MALRD1: variants seen among roughly 807,000 people sequenced by gnomAD.
The protein encoded by MALRD1 is MAM and LDL-receptor class A domain-containing protein 1.
A neutral mutation model predicts 242.1 loss-of-function variants in MALRD1; 247 were observed. The observed-to-expected ratio is 1.02, with a 90% CI of 0.92 to 1.13. MALRD1 has a LOEUF of 1.13. Ranked by LOEUF, MALRD1 falls within the 50% of genes most tolerant of loss-of-function variation. MALRD1 has a pLI of 0.00. For synonymous variants in MALRD1, 995 were observed against 866.6 expected, an observed-to-expected ratio of 1.15 and a Z score of -2.60; for missense variants, 2,989 against 2,533.1, an observed-to-expected ratio of 1.18 and a Z score of -3.86.
intron 34 of MALRD1, 86 bp downstream of exon 34, chr10:19,595,543 C>T (rs528027318): frequency 1.5e-6 from 2 of 1,370,838 alleles, no homozygotes; most frequent in Non-Finnish European, 9.8e-7. Context: ...AAATGAAGTT[C>T]TCTAGAGCCT....
At chr10:19,239,046 G>C (rs995117241) in intron 18 of MALRD1, among the ~76,000 whole-genome samples, 2 of 132,916 alleles carry the variant, frequency 1.5e-5, no homozygotes, top group Admixed American at 8.8e-5. Flanking sequence ...ATGTCTTTTA[G>C]TTTATTTTGT....
At chr10:19,142,171 C>CAAAAAAAAAAAA (rs529000033) in intron 10 of MALRD1, among the ~76,000 whole-genome samples, 4 of 26,274 alleles carry the variant, frequency 1.5e-4, no homozygotes, top group African/African-American at 6.8e-4. Flanking sequence ...GACTCTAACT[C>CAAAAAAAAAAAA]AAAAAAAAAA....
intron 33 of MALRD1, among the ~76,000 whole-genome samples, chr10:19,581,554 A>C (rs1375485710): frequency 6.7e-6 from 1 of 149,846 alleles, no homozygotes; most frequent in East Asian, 2.0e-4. Flanking sequence ...TGAACTCATC[A>C]TTTTTTATGG....
At chr10:19,505,333 T>C (rs1215965438) in intron 31 of MALRD1, among the ~76,000 whole-genome samples, 1 of 152,156 alleles carries the variant, frequency 6.6e-6, no homozygotes, top group Non-Finnish European at 1.5e-5. Context: ...AGATACGGTC[T>C]TTAAGTAGGT....
At chr10:19,453,239 C>T (rs1835425671) in intron 29 of MALRD1, among the ~76,000 whole-genome samples, 1 of 152,104 alleles carries the variant, frequency 6.6e-6, no homozygotes, top group South Asian at 2.1e-4. Flanking sequence ...ATGTTTATTT[C>T]TGTCACATTT....
intron 28 of MALRD1, among the ~76,000 whole-genome samples, chr10:19,391,982 G>T (rs543822380): frequency 6.6e-6 from 1 of 152,142 alleles, no homozygotes; most frequent in Non-Finnish European, 1.5e-5. Context: ...CATGCATGAC[G>T]TTCAAGTCTA....
intron 26 of MALRD1, among the ~76,000 whole-genome samples, chr10:19,363,800 A>G (rs529872640): frequency 2.0e-5 from 3 of 152,124 alleles, no homozygotes; most frequent in Non-Finnish European, 4.4e-5. Context: ...CTGGCTTCCA[A>G]AGAATCATCA....
At chr10:19,066,530 T>A (rs1057207663) in intron 1 of MALRD1, among the ~76,000 whole-genome samples, 189 bp from the exon 2 acceptor site, 2 of 152,250 alleles carry the variant, frequency 1.3e-5, no homozygotes, top group African/African-American at 4.8e-5. Flanking sequence ...ACTGTTTTCG[T>A]TGTGGTAACT....
rs573999286 is a variant in MALRD1, at chr10:19,446,087, A to T, written c.4846-4220A>T. ...CTGTGGGCGTGGGACCCTCCGAGCC[A>T]GGCGTGGGATATAATTTCCTGGTGT... is the stretch of plus-strand genomic sequence containing the variant. On this transcript the variant is annotated intron_variant, in intron 28 of 39. Coordinates refer to ENST00000454679, the MANE Select transcript of MALRD1 (RefSeq NM_001142308.3). Among the ~76,000 whole-genome samples the T allele has an allele frequency of 1.2e-3, 178 of 152,274 alleles. 2 individuals carry two copies. The South Asian group carries it at 0.036, about 31-fold the overall frequency.
chr10:19,194,669 G>A (rs1324340574), intron 14 of MALRD1, among the ~76,000 whole-genome samples: 1 of 152,028 alleles, frequency 6.6e-6, no homozygotes, highest in Non-Finnish European at 1.5e-5. Flanking sequence ...AAATAAACAT[G>A]CTGTTCAATT....
In MALRD1 at chr10:19,204,908, TATGG is replaced by T. The variant is rs1425114303; in HGVS notation, c.2222_2225del (p.Tyr741SerfsTer21). 6.5e-7 allele frequency: 1 copy of T among 1,547,880 alleles called. No individual in the cohort carries two copies. The highest frequency in any genetic ancestry group is 1.4e-5 in the African/African-American group (1 of 73,096). ...TTTACTCTTTTTTAGGTTCTATAAC[TATGG>T]CCTGTCAGTGGGAGCAGCTGAGCTG... On this transcript the variant is annotated frameshift_variant, in exon 17 of 40. Transcript: ENST00000454679. LOFTEE classifies it high-confidence loss of function.
chr10:19,637,829 G>A (rs944318137), intron 36 of MALRD1, among the ~76,000 whole-genome samples: 3 of 151,976 alleles, frequency 2.0e-5, no homozygotes, highest in Admixed American at 6.6e-5. Context: ...AGCCAGATAC[G>A]GTGGTTCATG....
intron 29 of MALRD1, among the ~76,000 whole-genome samples, chr10:19,461,349 G>A (rs952159227): frequency 2.0e-5 from 3 of 152,092 alleles, no homozygotes; most frequent in African/African-American, 7.2e-5. Context: ...AACCAAGTGT[G>A]CTTGGAGTTT....
chr10:19,712,471 A>C (rs1317910031), intron 38 of MALRD1, among the ~76,000 whole-genome samples: 2 of 152,230 alleles, frequency 1.3e-5, no homozygotes, highest in African/African-American at 4.8e-5. Flanking sequence ...GAATTTGTGG[A>C]TATGCAGGAG....
At chr10:19,515,911 T>C (rs1029719892) in intron 31 of MALRD1, among the ~76,000 whole-genome samples, 2 of 152,204 alleles carry the variant, frequency 1.3e-5, no homozygotes, top group African/African-American at 4.8e-5. Context: ...CCAGCTAGTA[T>C]AAGGACATCA....
At chr10:19,223,774 C>G (rs537602255) in intron 18 of MALRD1, among the ~76,000 whole-genome samples, 13 of 152,218 alleles carry the variant, frequency 8.5e-5, no homozygotes, top group Admixed American at 5.2e-4. Flanking sequence ...GTTCAACTCC[C>G]ACTTATGAGT....
At chr10:19,683,418 G>T (rs996870852) in intron 36 of MALRD1, among the ~76,000 whole-genome samples, 1 of 152,188 alleles carries the variant, frequency 6.6e-6, no homozygotes, top group Non-Finnish European at 1.5e-5. Context: ...ATTTTCATGT[G>T]CATCGTAATA....
At chr10:19,391,662 C>G (rs1297164624) in intron 28 of MALRD1, among the ~76,000 whole-genome samples, 3 of 152,198 alleles carry the variant, frequency 2.0e-5, no homozygotes, top group Admixed American at 1.3e-4. Context: ...GAAGACTCGA[C>G]CTTTTGCAGA....
intron 24 of MALRD1, among the ~76,000 whole-genome samples, chr10:19,343,458 T>G (rs1843972560): frequency 6.6e-6 from 1 of 152,152 alleles, no homozygotes; most frequent in Non-Finnish European, 1.5e-5. Flanking sequence ...ACTCCATCTT[T>G]ACAAAGATCT....
Sources: gnomAD v4.1 joint callset for allele counts (sites outside exome capture counted in the v4.1 genomes callset) on GRCh38, gnomAD v4.1.1 for gene constraint, MANE v1.5 for transcripts, NCBI Gene and HGNC (gene_info 2026-07-23, HGNC 2026-07-21) for gene names.